Variants in ELL observed in about 807,000 individuals in gnomAD.
ELL encodes the protein RNA polymerase II elongation factor ELL.
In ELL, 18 loss-of-function variants were observed where a neutral mutation model predicts 64.0. That is an observed-to-expected ratio of 0.28 (90% CI 0.19 to 0.42). The LOEUF (loss-of-function observed/expected upper bound fraction) is 0.42, where lower values mean the gene tolerates loss of function less well. Ranked by LOEUF, ELL falls within the 10% of genes least tolerant of loss-of-function variation. The pLI, the probability that ELL is intolerant of heterozygous loss-of-function variation, is 1.00. For synonymous variants in ELL, 399 were observed against 376.2 expected (o/e 1.06, Z -0.70); for missense variants, 797 against 870.4 (o/e 0.92, Z 1.06).
At chr19:18,514,917 G>A (rs956493158) in intron 1 of ELL, among the ~76,000 whole-genome samples, 2 of 152,232 alleles carry the variant, frequency 1.3e-5, no homozygotes, top group Admixed American at 6.5e-5. Context: ...CCAGGGCTAC[G>A]TGGAGCAGAG....
intron 4 of ELL, among the ~76,000 whole-genome samples, chr19:18,463,737 G>A (rs978884385): frequency 2.0e-5 from 3 of 152,006 alleles, no homozygotes; most frequent in African/African-American, 7.3e-5. Flanking sequence ...CCAGCACTTT[G>A]GGATGCTGAG....
intron 1 of ELL, among the ~76,000 whole-genome samples, chr19:18,498,828 T>C (rs1486275641): frequency 6.6e-6 from 1 of 152,170 alleles, no homozygotes; most frequent in African/African-American, 2.4e-5. Context: ...CAGGCGCCTA[T>C]AGTCCCAGTT....
chr19:18,454,628 G>T (rs1285398937), intron 6 of ELL, among the ~76,000 whole-genome samples: 1 of 151,440 alleles, frequency 6.6e-6, no homozygotes, highest in Non-Finnish European at 1.5e-5. Flanking sequence ...ATTACCTGAG[G>T]TTGGGAGTTC....
At position 18,444,713 on chromosome 19, in the gene ELL, C is replaced by A; in HGVS notation, c.*39G>T. 1 of 1,555,866 alleles carries A rather than the reference C, an allele frequency of 6.4e-7. No individual in the cohort carries two copies. Among genetic ancestry groups the A allele is most frequent in the Non-Finnish European group, 8.7e-7 (1 of 1,149,660 alleles). ...AAATCCTCTCTCACCGCCTTTTGCT[C>A]CCCCGACCCTCCCAGATCCCCGCCA... On this transcript the variant is annotated 3_prime_UTR_variant, in exon 12 of 12. Transcript: ENST00000262809.
At chr19:18,454,932 G>A (rs1234421732) in intron 6 of ELL, among the ~76,000 whole-genome samples, 1 of 151,076 alleles carries the variant, frequency 6.6e-6, no homozygotes, top group Non-Finnish European at 1.5e-5. Context: ...TTGAGGTCAG[G>A]AGTTTGAGAC....
At chr19:18,465,980 A>T (rs1376618205) in intron 2 of ELL, 62 bp from the exon 3 acceptor site, 2 of 1,247,208 alleles carry the variant, frequency 1.6e-6, no homozygotes, top group Non-Finnish European at 2.0e-6. Context: ...CCCAGCCTGC[A>T]TCTTCCTGCA....
At chr19:18,479,023 G>C (rs770221264) in intron 1 of ELL, among the ~76,000 whole-genome samples, 2 of 152,198 alleles carry the variant, frequency 1.3e-5, no homozygotes, top group Non-Finnish European at 2.9e-5. Context: ...TCTCCCCTCC[G>C]GCAAAGAGCA....
intron 5 of ELL, among the ~76,000 whole-genome samples, chr19:18,460,455 G>A (rs1293430789): frequency 6.6e-6 from 1 of 152,222 alleles, no homozygotes; most frequent in African/African-American, 2.4e-5. Flanking sequence ...CACCAGCACA[G>A]ACACCTCCTG....
At chr19:18,494,019 C>T (rs559817170) in intron 1 of ELL, among the ~76,000 whole-genome samples, 5 of 152,302 alleles carry the variant, frequency 3.3e-5, no homozygotes, top group African/African-American at 1.2e-4. Context: ...TCCACACAGA[C>T]CAGAGGCCCC....
At position 18,465,927 on chromosome 19, in the gene ELL, A is replaced by G; in HGVS notation, c.184-9T>C. ...TGGGGGATGGAGATGTGCTGCGTGG[A>G]GGGGGAGGGGGTGTCACTGGGAGGT... On this transcript the variant is annotated splice_polypyrimidine_tract_variant and intron_variant, in intron 2 of 11. Transcript: ENST00000262809. 1 of 1,296,002 alleles carries G rather than the reference A, an allele frequency of 7.7e-7. No individual in the cohort carries two copies. The highest frequency in any genetic ancestry group is 3.3e-5 in the South Asian group (1 of 30,764). The allele number at this position is 1,296,002 out of a possible 1,614,324, so 80.3% of individuals were successfully genotyped here.
At chr19:18,455,765 T>C (rs941047624) in intron 6 of ELL, among the ~76,000 whole-genome samples, 3 of 150,884 alleles carry the variant, frequency 2.0e-5, no homozygotes, top group African/African-American at 7.3e-5. Context: ...GGATGAGAAA[T>C]GTCAAAGAAG....
At chr19:18,463,325 C>CTT (rs34610795) in intron 4 of ELL, among the ~76,000 whole-genome samples, 1,194 of 73,282 alleles carry the variant, frequency 0.016, 74 homozygotes, top group Non-Finnish European at 0.02. Context: ...ACATTCACAT[C>CTT]TTTTTTTTTT....
At chr19:18,470,934 T>A in intron 2 of ELL, 1 of 455,896 alleles carries the variant, frequency 2.2e-6, no homozygotes, top group Non-Finnish European at 4.4e-6. Context: ...CAGACACACG[T>A]CTCCTAGAGG....
rs572373929 is a variant in ELL, at chr19:18,511,110, A to T, written c.135+10811T>A. On this transcript the variant is annotated intron_variant, in intron 1 of 11. Transcript: ENST00000262809. ...GTGAAACCCCATCTCTACTAAAAAT[A>T]TAAAAAATTAGCCAGGCATGGTGGT... Among the ~76,000 whole-genome samples the T allele has an allele frequency of 3.9e-5, 6 of 152,138 alleles. No homozygotes were observed. The East Asian group carries it at 1.2e-3, about 29-fold the overall frequency.
chr19:18,496,401 GA>G (rs2144959891), intron 1 of ELL, among the ~76,000 whole-genome samples: 1 of 152,376 alleles, frequency 6.6e-6, no homozygotes, highest in Admixed American at 6.5e-5. Flanking sequence ...GATGACTCAG[GA>G]GACAGAGACC....
intron 1 of ELL, among the ~76,000 whole-genome samples, chr19:18,498,225 C>T (rs1600490772): frequency 6.6e-6 from 1 of 152,084 alleles, no homozygotes; most frequent in East Asian, 1.9e-4. Flanking sequence ...GCTGCAGGTG[C>T]GGGGAGGCGG....
At chr19:18,467,380 G>A (rs1974962217) in intron 2 of ELL, among the ~76,000 whole-genome samples, 1 of 151,984 alleles carries the variant, frequency 6.6e-6, no homozygotes, top group Admixed American at 6.5e-5. Flanking sequence ...AGGTGCCCTT[G>A]TCCCTGTCAT....
At chr19:18,457,949 A>C (rs571105550) in intron 6 of ELL, among the ~76,000 whole-genome samples, 1 of 152,240 alleles carries the variant, frequency 6.6e-6, no homozygotes, top group South Asian at 2.1e-4. Context: ...CTTTTGTCTG[A>C]AGATTCCAAG....
rs369090473 is a variant in ELL at position 18,450,819 on chromosome 19, T to C, written c.1123A>G (p.Thr375Ala). 1.3e-5 allele frequency: 20 copies of C among 1,586,162 alleles called. No homozygotes were observed. The highest frequency in any genetic ancestry group is 2.7e-5 in the African/African-American group (2 of 74,144). ...LLPTPGPPAS[T>A]DTLSSSTHLP... Reference sequence around the variant, plus strand: ...TGAGTGCTGGAGCTGAGGGTGTCCGTGCTGGCTGGTGGGCCCGGGGTGGGC... The same window carrying C: ...TGAGTGCTGGAGCTGAGGGTGTCCGCGCTGGCTGGTGGGCCCGGGGTGGGC... The change falls in exon 8 of 12, where the codon ACG (threonine) becomes GCG (alanine). Residue 375 changes from threonine to alanine, a missense_variant. Transcript: ENST00000262809.
Sources: gnomAD v4.1 joint callset for allele counts (sites outside exome capture counted in the v4.1 genomes callset) on GRCh38, gnomAD v4.1.1 for gene constraint, MANE v1.5 for transcripts, NCBI Gene and HGNC (gene_info 2026-07-23, HGNC 2026-07-21) for gene names.